The following TCF20 variants were observed in gnomAD, a reference collection of about 807,000 sequenced individuals.
The protein encoded by TCF20 is transcription factor 20, also known as SPRE-binding protein.
Under a neutral mutation model 148.6 loss-of-function variants are expected in TCF20, and 3 were observed. That is an observed-to-expected ratio of 0.02 (90% CI 0.01 to 0.05). The LOEUF (loss-of-function observed/expected upper bound fraction) is 0.05, where lower values mean the gene tolerates loss of function less well. TCF20 is among the 10% of genes least tolerant of loss of function. The pLI is 1.00. For synonymous variants in TCF20, 1,049 were observed against 909.5 expected (o/e 1.15, Z -2.76); for missense variants, 2,350 against 2,429.3 (o/e 0.97, Z 0.69).
intron 1 of TCF20, among the ~76,000 whole-genome samples, chr22:42,283,309 G>A (rs1009441728): frequency 1.3e-5 from 2 of 152,148 alleles, no homozygotes; most frequent in African/African-American, 2.4e-5. Flanking sequence ...GGGAGAGGGA[G>A]CAGCCAGCCC....
intron 5 of TCF20, among the ~76,000 whole-genome samples, chr22:42,167,768 G>A (rs1199518844): frequency 6.6e-6 from 1 of 152,094 alleles, no homozygotes; most frequent in Non-Finnish European, 1.5e-5. Context: ...GGCCCAGGCT[G>A]GAATGTAGCG....
At chr22:42,270,291 C>T (rs1051405403) in intron 1 of TCF20, among the ~76,000 whole-genome samples, 48 bp downstream of exon 1, 2 of 152,014 alleles carry the variant, frequency 1.3e-5, no homozygotes, top group African/African-American at 2.4e-5. Context: ...GGCCCCAGTC[C>T]TTCAGGCCCA....
intron 1 of TCF20, among the ~76,000 whole-genome samples, chr22:42,254,296 C>G (rs1020843003): frequency 4.1e-5 from 6 of 146,914 alleles, no homozygotes; most frequent in African/African-American, 1.5e-4. Context: ...GATGGTACTT[C>G]CCAGCTCCAC....
At position 42,267,266 on chromosome 22, in the gene TCF20, T is replaced by A. The variant is rs147510918; in HGVS notation, c.-37+3073A>T. Among the ~76,000 whole-genome samples, 6 of 151,982 alleles carry A rather than the reference T, an allele frequency of 3.9e-5. No homozygotes were observed. The East Asian group carries it at 1.2e-3, about 30-fold the overall frequency. On this transcript the variant is annotated intron_variant, in intron 1 of 5. Coordinates refer to ENST00000677622, the MANE Select transcript of TCF20 (RefSeq NM_001378418.1). Reference sequence around the variant, plus strand: ...TGGGCAACAAGAGCGAGACTCCATCTCAAAACAACAACAGAAAAAACAAAA... The same window carrying A: ...TGGGCAACAAGAGCGAGACTCCATCACAAAACAACAACAGAAAAAACAAAA...
At chr22:42,339,848 G>C (rs1009291245) in intron 1 of TCF20, among the ~76,000 whole-genome samples, 2 of 152,222 alleles carry the variant, frequency 1.3e-5, no homozygotes, top group African/African-American at 4.8e-5. Flanking sequence ...GCAGACTCAG[G>C]CCAGAACCTC....
chr22:42,310,639 G>C (rs1569206590), intron 1 of TCF20, among the ~76,000 whole-genome samples: 1 of 152,226 alleles, frequency 6.6e-6, no homozygotes, highest in East Asian at 1.9e-4. Context: ...ATACAGTGGA[G>C]AGGACTGGCG....
At chr22:42,320,969 C>A (rs1387042716) in intron 1 of TCF20, among the ~76,000 whole-genome samples, 3 of 152,180 alleles carry the variant, frequency 2.0e-5, no homozygotes, top group African/African-American at 7.2e-5. Flanking sequence ...CACCACCGCC[C>A]AGTAATGTAC....
chr22:42,228,151 C>T (rs1435662627), intron 1 of TCF20, among the ~76,000 whole-genome samples: 1 of 151,950 alleles, frequency 6.6e-6, no homozygotes. Context: ...GAAAACAGAC[C>T]AGGGGAGGGG....
At position 42,210,616 on chromosome 22, in the gene TCF20, G is replaced by T; in HGVS notation, c.4690C>A (p.Pro1564Thr). ...TCTGCAGAACCTTCTGGTATCTGTG[G>T]GGGCTGAGGGGGTGGAGGCGGTGGC... ...QQPPPPPPQP[P>T]QIPEGSADGE... The change falls in exon 2 of 6, where the codon CCA (proline) becomes ACA (threonine). Residue 1564 changes from proline (P) to threonine (T), a missense_variant. Transcript: ENST00000677622. This position sits in a 1 kb window ranked among gnomAD's most constrained non-coding sequence, Gnocchi z 4.7. 1 of 1,614,146 alleles carries T rather than the reference G, an allele frequency of 6.2e-7. No homozygotes were observed. The highest frequency in any genetic ancestry group is 8.5e-7 in the Non-Finnish European group (1 of 1,180,036).
intron 1 of TCF20, among the ~76,000 whole-genome samples, chr22:42,333,159 G>T (rs1214403685): frequency 1.3e-5 from 2 of 152,276 alleles, no homozygotes. Context: ...GCCCCACTGT[G>T]CAGAGGCTTT....
At chr22:42,164,181 C>T (rs1935632056) in intron 5 of TCF20, among the ~76,000 whole-genome samples, 1 of 151,460 alleles carries the variant, frequency 6.6e-6, no homozygotes, top group Admixed American at 6.6e-5. Flanking sequence ...GTCCAAGAGC[C>T]CTTTTTTCCC....
upstream of TCF20, among the ~76,000 whole-genome samples, chr22:42,284,822 C>T (rs967880067): frequency 6.6e-6 from 1 of 152,248 alleles, no homozygotes; most frequent in Admixed American, 6.5e-5. Flanking sequence ...GCGCTTCACA[C>T]CCCCTTCCTA....
At chr22:42,294,945 C>T (rs1927203853) in intron 1 of TCF20, among the ~76,000 whole-genome samples, 1 of 152,204 alleles carries the variant, frequency 6.6e-6, no homozygotes, top group Admixed American at 6.5e-5. Context: ...TGCAGGGAGA[C>T]ATGCTGGCGC....
chr22:42,236,965 C>A (rs181050030), intron 1 of TCF20, among the ~76,000 whole-genome samples: 1 of 152,272 alleles, frequency 6.6e-6, no homozygotes, highest in Admixed American at 6.5e-5. Context: ...TTTTTGCTGA[C>A]GGAGGGTCTT....
intron 1 of TCF20, among the ~76,000 whole-genome samples, chr22:42,243,862 C>G (rs1924681600): frequency 6.6e-6 from 1 of 152,126 alleles, no homozygotes; most frequent in Non-Finnish European, 1.5e-5. Flanking sequence ...ACCACAATGA[C>G]ACAGCACTTC....
At chr22:42,205,660 T>C (rs1938335251) in intron 2 of TCF20, among the ~76,000 whole-genome samples, 1 of 152,242 alleles carries the variant, frequency 6.6e-6, no homozygotes, top group South Asian at 2.1e-4. Flanking sequence ...GTAATTTTAA[T>C]TTGTCCTTGA....
chr22:42,230,178 T>C (rs1923271028), intron 1 of TCF20, among the ~76,000 whole-genome samples: 1 of 152,154 alleles, frequency 6.6e-6, no homozygotes, highest in Non-Finnish European at 1.5e-5. Context: ...GCAACAGCAA[T>C]AAAAATAGTC....
At chr22:42,225,327 C>A (rs959674035) in intron 1 of TCF20, among the ~76,000 whole-genome samples, 4 of 151,936 alleles carry the variant, frequency 2.6e-5, no homozygotes, top group African/African-American at 4.8e-5. Flanking sequence ...AAAATTACAA[C>A]CCTTAGGCCG....
At chr22:42,312,082 G>A (rs1362686400) in intron 1 of TCF20, among the ~76,000 whole-genome samples, 6 of 152,222 alleles carry the variant, frequency 3.9e-5, no homozygotes, top group East Asian at 1.9e-4. Flanking sequence ...AAATCACCTT[G>A]CAGAGACAGG....
Sources: allele counts gnomAD v4.1 joint callset (sites outside exome capture counted in the v4.1 genomes callset), GRCh38; gene constraint gnomAD v4.1.1; non-coding constraint Gnocchi (gnomAD v3.1); transcripts MANE v1.5; gene names NCBI Gene and HGNC (gene_info 2026-07-23, HGNC 2026-07-21).